The following ASTN1 variants were observed in gnomAD, a reference collection of about 807,000 sequenced individuals.
The protein encoded by ASTN1 is astrotactin-1.
Under a neutral mutation model 140.7 loss-of-function variants are expected in ASTN1, and 41 were observed. The ratio of observed to expected loss-of-function variants is 0.29; its 90% CI spans 0.23 to 0.38. The LOEUF is 0.38. Among genes scored for constraint, ASTN1 ranks in the 10% least tolerant of loss-of-function variants. The pLI, the probability that ASTN1 is intolerant of heterozygous loss-of-function variation, is 1.00. For synonymous variants in ASTN1, 640 were observed against 652.2 expected (o/e 0.98, Z 0.29); for missense variants, 1,479 against 1,678.8 (o/e 0.88, Z 2.08).
chr1:176,991,935 T>C (rs1674196629), intron 8 of ASTN1, among the ~76,000 whole-genome samples: 1 of 152,108 alleles, frequency 6.6e-6, no homozygotes, highest in Non-Finnish European at 1.5e-5. Context: ...TTTTCACAGC[T>C]CCCCTAGGCC....
At chr1:177,039,046 G>A (rs1239970940) in intron 2 of ASTN1, among the ~76,000 whole-genome samples, 1 of 152,180 alleles carries the variant, frequency 6.6e-6, no homozygotes, top group Non-Finnish European at 1.5e-5. Context: ...ATGTCACCAA[G>A]TTTAGAGAGT....
intron 1 of ASTN1, among the ~76,000 whole-genome samples, chr1:177,146,261 G>A (rs1208412529): frequency 6.6e-6 from 1 of 152,076 alleles, no homozygotes; most frequent in Non-Finnish European, 1.5e-5. Flanking sequence ...GGATGAAATC[G>A]ATGAAGAAAG....
chr1:177,151,368 A>G (rs1409008424), intron 1 of ASTN1, among the ~76,000 whole-genome samples: 1 of 151,988 alleles, frequency 6.6e-6, no homozygotes, highest in Non-Finnish European at 1.5e-5. Flanking sequence ...CACGTAACAA[A>G]GTTCTTACCT....
rs1190506498 is a variant in ASTN1, at chr1:177,099,401, T to C, written c.284-38136A>G. Among the ~76,000 whole-genome samples, 6 of 150,712 alleles carry C rather than the reference T, an allele frequency of 4.0e-5. No individual in the cohort carries two copies. In the South Asian group the frequency reaches 8.4e-4, roughly 21 times the overall value. The stretch of plus-strand genomic sequence containing the variant: ...TCTATAATGAACATATCCTAGCTCC[T>C]TTTTTTTTAATTTTAGAAAGGGAAA... On this transcript the variant is annotated intron_variant, in intron 1 of 22. Transcript: ENST00000361833.
rs41267144 is a variant in ASTN1, at chr1:176,861,690, G to A, written c.*2594C>T. 0.082 allele frequency: 80,510 copies of A among 985,266 alleles called. 3,603 individuals carry two copies. The highest frequency in any genetic ancestry group is 0.089 in the Non-Finnish European group (74,235 of 829,832). 61.0% of individuals were successfully genotyped at this position (985,266 alleles called of 1,614,324 possible). A position where few individuals can be genotyped will look rare whatever the true frequency, so the allele number is the denominator to read the frequency against. On this transcript the variant is annotated 3_prime_UTR_variant, in exon 23 of 23. Coordinates refer to ENST00000361833, the MANE Select transcript of ASTN1 (RefSeq NM_004319.3). ...GTGTGCATTGTGTGTGCACACGTGT[G>A]TGTGTGTGTACATACATACACACAT...
chr1:177,034,683 C>T lies in ASTN1; in HGVS notation c.472-1834G>A, dbSNP rs138327173. 3.4e-3 allele frequency among the ~76,000 whole-genome samples: 514 copies of T among 152,168 alleles called. 2 individuals carry two copies. The Middle Eastern group carries it at 0.034, about 10-fold the overall frequency. On this transcript the variant is annotated intron_variant, in intron 2 of 22. Transcript: ENST00000361833. ...ACTCATTGACAGCGAGTATTTGTGT[C>T]CAACCTGACATTTTTTTTTAGCAGA...
rs148578839 is a variant in ASTN1, at chr1:176,871,678, T to C, written c.3464-2651A>G. Among the ~76,000 whole-genome samples, 427 of 152,354 alleles carry C rather than the reference T, an allele frequency of 2.8e-3. 2 individuals are homozygous for C. Among genetic ancestry groups the C allele is most frequent in the African/African-American group, 9.8e-3 (409 of 41,580 alleles). On this transcript the variant is annotated intron_variant, in intron 21 of 22. Transcript: ENST00000361833. ...CAGAAAGATCTATGCTCCAGGCTCC[T>C]AGAGCATGAATATTTCTGGCTCCTC...
chr1:176,946,272 C>T, intron 12 of ASTN1, 152 bp from the exon 13 acceptor site: 2 of 809,186 alleles, frequency 2.5e-6, no homozygotes, highest in Non-Finnish European at 1.8e-6. Context: ...GATTTTGACT[C>T]ATTGTTTTTT....
At chr1:177,160,353 C>G (rs1434823795) in intron 1 of ASTN1, among the ~76,000 whole-genome samples, 1 of 152,192 alleles carries the variant, frequency 6.6e-6, no homozygotes. Context: ...CTTGCCTGCT[C>G]CAGACACTTT....
intron 16 of ASTN1, among the ~76,000 whole-genome samples, chr1:176,914,769 A>G (rs1670409540): frequency 6.6e-6 from 1 of 152,192 alleles, no homozygotes; most frequent in Non-Finnish European, 1.5e-5. Context: ...GAGGTCTGGG[A>G]GTCAGACTGG....
In ASTN1 at chr1:176,936,376, G is replaced by T. The variant is rs1018029451; in HGVS notation, c.2378-6C>A. ...TTCACTGAAGTTCACCATCCCTAAGGACAGAAGAGATGTAAGCTGAGTTCT... is the reference window on the plus strand; with the variant it reads ...TTCACTGAAGTTCACCATCCCTAAGTACAGAAGAGATGTAAGCTGAGTTCT... On this transcript the variant is annotated splice_region_variant and splice_polypyrimidine_tract_variant and intron_variant, in intron 14 of 22. Coordinates refer to ENST00000361833, the MANE Select transcript of ASTN1 (RefSeq NM_004319.3). 4 of 1,608,284 alleles carry T rather than the reference G, an allele frequency of 2.5e-6. No individual in the cohort carries two copies. The highest frequency in any genetic ancestry group is 3.4e-6 in the Non-Finnish European group (4 of 1,177,306).
chr1:177,011,494 G>A (rs571013633), intron 8 of ASTN1, among the ~76,000 whole-genome samples: 2 of 152,152 alleles, frequency 1.3e-5, no homozygotes, highest in South Asian at 4.2e-4. Context: ...AAACACAAAT[G>A]AGTAGGAGAA....
At chr1:176,955,863 A>G (rs1024326861) in intron 11 of ASTN1, among the ~76,000 whole-genome samples, 1 of 152,242 alleles carries the variant, frequency 6.6e-6, no homozygotes, top group Non-Finnish European at 1.5e-5. Flanking sequence ...GGCTACAGAG[A>G]GTAGGGAAGG....
At chr1:176,962,147 A>G in intron 9 of ASTN1, among the ~76,000 whole-genome samples, 1 of 152,220 alleles carries the variant, frequency 6.6e-6, no homozygotes, top group East Asian at 1.9e-4. Flanking sequence ...CTTTGAGGGA[A>G]GGTCTCTGTG....
chr1:176,986,835 C>A (rs187207455), intron 8 of ASTN1, among the ~76,000 whole-genome samples: 4 of 152,084 alleles, frequency 2.6e-5, no homozygotes, highest in Non-Finnish European at 5.9e-5. Context: ...AGAATTAACA[C>A]GTGTTAACTG....
chr1:176,872,207 TTA>T (rs1491164081), intron 21 of ASTN1, among the ~76,000 whole-genome samples: 1 of 151,048 alleles, frequency 6.6e-6, no homozygotes, highest in East Asian at 1.9e-4. Flanking sequence ...TTTTTTTTTT[TTA>T]AAAAAAAGCA....
chr1:177,011,626 CATA>C (rs1675293806), intron 8 of ASTN1, among the ~76,000 whole-genome samples: 1 of 151,144 alleles, frequency 6.6e-6, no homozygotes, highest in South Asian at 2.1e-4. Flanking sequence ...CATGTGCACA[CATA>C]ATGCACAGGC....
intron 1 of ASTN1, among the ~76,000 whole-genome samples, chr1:177,067,457 T>A (rs114261148): frequency 0.013 from 1,949 of 152,312 alleles, 27 homozygotes; most frequent in Non-Finnish European, 0.02. Flanking sequence ...AAGATAGGCC[T>A]ATGATAGAAA....
At chr1:176,915,267 G>A (rs920976793) in intron 16 of ASTN1, among the ~76,000 whole-genome samples, 32 of 152,192 alleles carry the variant, frequency 2.1e-4, no homozygotes, top group African/African-American at 7.5e-4. Flanking sequence ...TGTTCTACCC[G>A]CCTTATGACT....
Sources: allele counts gnomAD v4.1 joint callset (sites outside exome capture counted in the v4.1 genomes callset), GRCh38; gene constraint gnomAD v4.1.1; transcripts MANE v1.5; gene names NCBI Gene and HGNC (gene_info 2026-07-23, HGNC 2026-07-21).